The following PARVB variants were observed in gnomAD, a reference collection of about 807,000 sequenced individuals.
PARVB encodes beta-parvin.
PARVB carries 46 observed loss-of-function variants against 47.0 expected under a neutral mutation model. That is an observed-to-expected ratio of 0.98 (90% CI 0.77 to 1.25). The LOEUF (loss-of-function observed/expected upper bound fraction) is 1.25, where lower values mean the gene tolerates loss of function less well. PARVB is among the 50% of genes most tolerant of loss of function. The pLI is 0.00. For synonymous variants in PARVB, 196 were observed against 196.3 expected (o/e 1.00, Z 0.01); for missense variants, 473 against 471.6 (o/e 1.00, Z -0.03).
At chr22:44,065,371 G>T (rs891519044) in intron 1 of PARVB, among the ~76,000 whole-genome samples, 4 of 151,984 alleles carry the variant, frequency 2.6e-5, no homozygotes, top group African/African-American at 7.3e-5. Context: ...TGCCCAAGCT[G>T]GTCTCGAACT....
rs2744986 is a variant in PARVB at position 44,170,189 on chromosome 22, T to C, written c.*1511T>C. The C allele has an allele frequency of 0.75, 113,360 of 151,250 alleles. 43,070 individuals carry two copies. Among genetic ancestry groups the C allele is most frequent in the African/African-American group, 0.85 (35,021 of 41,216 alleles). The allele number at this position is 151,250 out of a possible 1,614,324, so 9.4% of individuals were successfully genotyped here. The stretch of plus-strand genomic sequence containing the variant: ...CTAATTTTTGTATTTTTTGTAGAGA[T>C]GGGGTTTCACCATGTTGCCCAGGCT... On this transcript the variant is annotated 3_prime_UTR_variant, in exon 13 of 13. Transcript: ENST00000338758.
chr22:44,010,889 ATTTT>A (rs1184137879), intron 2 of PARVB, among the ~76,000 whole-genome samples: 1 of 129,730 alleles, frequency 7.7e-6, no homozygotes, highest in Non-Finnish European at 1.7e-5. Context: ...CACCATGCCT[ATTTT>A]TTTTTTTTTT....
At position 44,147,942 on chromosome 22, in the gene PARVB, T is replaced by G; in HGVS notation, c.774+20T>G. The G allele has an allele frequency of 6.2e-7, 1 of 1,607,928 alleles. No homozygotes were observed. The highest frequency in any genetic ancestry group is 8.5e-7 in the Non-Finnish European group (1 of 1,174,698). ...AAGAAGGTGAGCTATTGGTGGGATG[T>G]TGGATGTGCTCTCCCCTGGCTCGCG... On this transcript the variant is annotated intron_variant, in intron 9 of 12. Transcript: ENST00000338758.
At chr22:44,061,237 T>A (rs2146958991) in intron 1 of PARVB, among the ~76,000 whole-genome samples, 1 of 152,258 alleles carries the variant, frequency 6.6e-6, no homozygotes, top group Middle Eastern at 3.4e-3. Flanking sequence ...GAGACCAGCC[T>A]AGCTAACATG....
chr22:44,142,867 T>C (rs532408755), intron 8 of PARVB: 1 of 152,280 alleles, frequency 6.6e-6, no homozygotes, highest in African/African-American at 2.4e-5. Context: ...TTGCTGCTTC[T>C]GCTGACGCAG....
At position 44,171,369 on chromosome 22, in the gene PARVB, C is replaced by G. The variant is rs912247984; in HGVS notation, c.*2691C>G. 2 of 152,116 alleles carry G rather than the reference C, an allele frequency of 1.3e-5. No homozygotes were observed. The highest frequency in any genetic ancestry group is 4.8e-5 in the African/African-American group (2 of 41,394). 9.4% of individuals were successfully genotyped at this position (152,116 alleles called of 1,614,324 possible). A position where few individuals can be genotyped will look rare whatever the true frequency, so the allele number is the denominator to read the frequency against. On this transcript the variant is annotated 3_prime_UTR_variant, in exon 13 of 13. Coordinates refer to ENST00000338758, the MANE Select transcript of PARVB (RefSeq NM_013327.5). ...AAATTAGCCATGCATGGTATGTATGCCTGTAATCCCAGCTATTCGGGAGGC... is the reference window on the plus strand; with the variant it reads ...AAATTAGCCATGCATGGTATGTATGGCTGTAATCCCAGCTATTCGGGAGGC...
chr22:44,134,209 C>T (rs976257739), intron 6 of PARVB, among the ~76,000 whole-genome samples: 16 of 152,216 alleles, frequency 1.1e-4, no homozygotes, highest in African/African-American at 3.6e-4. Context: ...GGGAATGCTC[C>T]TCTCTGGCAT....
intron 1 of PARVB, among the ~76,000 whole-genome samples, chr22:44,056,933 TGAGCTGGGGGTG>T (rs2051323365): frequency 2.9e-5 from 2 of 68,096 alleles, no homozygotes; most frequent in African/African-American, 6.0e-5. Flanking sequence ...AGCTGGGGGC[TGAGCTGGGGGTG>T]GAGCTGGGGG....
chr22:44,156,414 G>A (rs529371045), intron 10 of PARVB, among the ~76,000 whole-genome samples: 1 of 151,748 alleles, frequency 6.6e-6, no homozygotes, highest in South Asian at 2.1e-4. Flanking sequence ...CGAGTAGCTG[G>A]GATTACAGGC....
chr22:44,162,876 T>C (rs1415970108), intron 11 of PARVB: 2 of 152,214 alleles, frequency 1.3e-5, no homozygotes, highest in East Asian at 1.9e-4. Context: ...TGAGGAGTAA[T>C]AGACCCTTTA....
At chr22:44,061,300 G>A (rs1452810357) in intron 1 of PARVB, among the ~76,000 whole-genome samples, 1 of 152,096 alleles carries the variant, frequency 6.6e-6, no homozygotes, top group Non-Finnish European at 1.5e-5. Flanking sequence ...GCATGGTGGT[G>A]TGCTTCTGTA....
chr22:44,069,261 A>C, intron 1 of PARVB: 6 of 1,114,382 alleles, frequency 5.4e-6, no homozygotes, highest in Non-Finnish European at 6.9e-6. Context: ...TTTTGCAAGA[A>C]TGGACCCTGG....
At chr22:44,009,538 T>C (rs2050500150) in intron 2 of PARVB, 1 of 152,060 alleles carries the variant, frequency 6.6e-6, no homozygotes, top group South Asian at 2.1e-4. Context: ...TAAAGTGGCA[T>C]TCTGCCATAA....
intron 3 of PARVB, 110 bp from the exon 4 acceptor site, chr22:44,118,928 C>G (rs2052976185): frequency 1.3e-6 from 1 of 754,864 alleles, no homozygotes; most frequent in Admixed American, 1.9e-5. Context: ...TGCTGTGGTC[C>G]CGGTGGTGGC....
chr22:44,157,131 C>A (rs28610427), intron 10 of PARVB, among the ~76,000 whole-genome samples: 6 of 152,140 alleles, frequency 3.9e-5, no homozygotes, highest in African/African-American at 1.2e-4. Flanking sequence ...TGTTGAATAG[C>A]AGCTCCAGAG....
intron 1 of PARVB, among the ~76,000 whole-genome samples, chr22:44,045,253 C>CTAAATAAA (rs917171948): frequency 3.9e-5 from 6 of 152,288 alleles, no homozygotes; most frequent in African/African-American, 9.6e-5. Context: ...GAGTCTCTGT[C>CTAAATAAA]TAAATAAATA....
intron 1 of PARVB, among the ~76,000 whole-genome samples, chr22:44,040,828 C>A (rs2051005697): frequency 6.6e-6 from 1 of 151,588 alleles, no homozygotes; most frequent in Non-Finnish European, 1.5e-5. Flanking sequence ...ACGGTGAAAC[C>A]CCGTCTCTAC....
At chr22:44,084,803 A>C (rs1291757655) in intron 1 of PARVB, among the ~76,000 whole-genome samples, 1 of 152,310 alleles carries the variant, frequency 6.6e-6, no homozygotes, top group African/African-American at 2.4e-5. Flanking sequence ...AGCCATTTCT[A>C]TGGTTGAACC....
rs866743167 is a variant in PARVB at position 44,125,656 on chromosome 22, G to A, written c.377-5831G>A. Among the ~76,000 whole-genome samples, 1 of 152,188 alleles carries A rather than the reference G, an allele frequency of 6.6e-6. No homozygotes were observed. The highest frequency in any genetic ancestry group is 2.1e-4 in the South Asian group (1 of 4,832). On this transcript the variant is annotated intron_variant, in intron 4 of 12. Coordinates refer to ENST00000338758, the MANE Select transcript of PARVB (RefSeq NM_013327.5). The surrounding 1 kb of genome is among the most constrained non-coding windows in gnomAD (Gnocchi z 4.1). ...GGCCCAGGTGGCAGAGAGGGAGGGA[G>A]AGAGCCAAGAGATGAGGCTGGGGCC... is the stretch of plus-strand genomic sequence containing the variant.
Sources: allele counts gnomAD v4.1 joint callset (sites outside exome capture counted in the v4.1 genomes callset), GRCh38; gene constraint gnomAD v4.1.1; non-coding constraint Gnocchi (gnomAD v3.1); transcripts MANE v1.5; gene names NCBI Gene and HGNC (gene_info 2026-07-23, HGNC 2026-07-21).